The following INTS14 variants were observed in gnomAD, a reference collection of about 807,000 sequenced individuals.
The protein encoded by INTS14 is UPF0464 protein C15orf44.
In INTS14, 27 loss-of-function variants were observed where a neutral mutation model predicts 56.9. The observed-to-expected ratio is 0.47, with a 90% CI of 0.35 to 0.65. INTS14 has a LOEUF of 0.65. INTS14 is among the 30% of genes least tolerant of loss of function. The pLI is 0.00. For synonymous variants in INTS14, 207 were observed against 236.2 expected, an observed-to-expected ratio of 0.88 and a Z score of 1.13; for missense variants, 517 against 632.2, an observed-to-expected ratio of 0.82 and a Z score of 1.95.
Position 65,607,195 on chromosome 15 carries a change from C to G in INTS14, c.186G>C (p.Leu62Phe), listed in dbSNP as rs1566933836. 1 of 1,614,212 alleles carries G rather than the reference C, an allele frequency of 6.2e-7. No homozygotes were observed. The change falls in exon 2 of 12, where the codon TTG becomes TTC. Residue 62 changes from leucine (L) to phenylalanine (F), a missense_variant. Physicochemically the swap from Leu to Phe is conservative, Grantham distance 22 (BLOSUM62 0). Transcript: ENST00000313182. ...ALVVFSSLWE[L>F]MVPFTRDYNT... ...TATAATCTCTCGTGAAGGGGACCAT[C>G]AACTCCCAAAGTGATGAAAAAACCA...
At chr15:65,610,574 C>T in intron 1 of INTS14, 2 of 1,254,142 alleles carry the variant, frequency 1.6e-6, no homozygotes, top group South Asian at 2.6e-5. Flanking sequence ...TGTCCATCAG[C>T]TAGACGTTTG....
At chr15:65,610,609 T>C (rs2073881896) in intron 1 of INTS14, 2 of 1,457,666 alleles carry the variant, frequency 1.4e-6, no homozygotes, top group Admixed American at 2.0e-5. Flanking sequence ...AGGTGATAAT[T>C]AGCTCATTCA....
In INTS14 at chr15:65,607,316, G is replaced by C. The variant is rs894075500; in HGVS notation, c.65C>G (p.Ser22Cys). Residue 22 changes from serine (S) to cysteine (C), a missense_variant, in exon 2 of 12, where the codon TCC (serine) becomes TGC (cysteine). Transcript: ENST00000313182. ...TAGGTGCTTACGCTGGTATTCCTCG[G>C]ACCCCTCAATAGACACAGGTCGGGT... ...SMTRPVSIEG[S>C]EEYQRKHLAA... The C allele has an allele frequency of 2.5e-6, 4 of 1,613,962 alleles. No homozygotes were observed. Among genetic ancestry groups the C allele is most frequent in the Non-Finnish European group, 3.4e-6 (4 of 1,180,034 alleles).
intron 2 of INTS14, 39 bp downstream of exon 2, chr15:65,607,120 T>G (rs774227532): frequency 5.0e-6 from 8 of 1,601,828 alleles, no homozygotes; most frequent in Admixed American, 1.7e-5. Context: ...CCCAATAAAT[T>G]TAGGCCCTGT....
At chr15:65,610,303 G>A (rs1259272042) in intron 1 of INTS14, among the ~76,000 whole-genome samples, 1 of 152,184 alleles carries the variant, frequency 6.6e-6, no homozygotes, top group Non-Finnish European at 1.5e-5. Flanking sequence ...AGGTTGCAGT[G>A]AGCCGAGATC....
intron 3 of INTS14, 107 bp downstream of exon 3, chr15:65,605,022 A>G: frequency 1.2e-6 from 1 of 805,842 alleles, no homozygotes; most frequent in Non-Finnish European, 2.1e-6. Flanking sequence ...TGTAAAATGT[A>G]GTTTGTAGAA....
intron 5 of INTS14, 21 bp downstream of exon 5, chr15:65,598,849 AAG>A: frequency 3.2e-6 from 5 of 1,553,898 alleles, no homozygotes; most frequent in Admixed American, 3.5e-5. Flanking sequence ...AAGAAGGCAA[AAG>A]AGCTCTAAGC....
At chr15:65,601,344 G>C (rs1325968258) in intron 3 of INTS14, among the ~76,000 whole-genome samples, 1 of 152,028 alleles carries the variant, frequency 6.6e-6, no homozygotes, top group Non-Finnish European at 1.5e-5. Flanking sequence ...AGGCCATTAA[G>C]GCAGTATTTT....
At chr15:65,600,070 G>T in intron 3 of INTS14, 141 bp from the exon 4 acceptor site, 2 of 872,998 alleles carry the variant, frequency 2.3e-6, no homozygotes, top group Non-Finnish European at 3.4e-6. Flanking sequence ...TGCTTTGGGA[G>T]GCCAAGGCAG....
At chr15:65,588,612 G>A (rs1202988452) in intron 9 of INTS14, among the ~76,000 whole-genome samples, 1 of 151,444 alleles carries the variant, frequency 6.6e-6, no homozygotes, top group Non-Finnish European at 1.5e-5. Context: ...AGGTTGCAGT[G>A]AACCAAGACT....
chr15:65,579,282 G>A lies in INTS14; in HGVS notation c.*126C>T. ...GTAGAGTCATTCAAAACAGCAAGTG[G>A]TGCTTCTGAGGCAGCCTCAGGAAGG... On this transcript the variant is annotated 3_prime_UTR_variant, in exon 12 of 12. Transcript: ENST00000313182. 1 of 1,338,542 alleles carries A rather than the reference G, an allele frequency of 7.5e-7. No homozygotes were observed. 82.9% of individuals were successfully genotyped at this position (1,338,542 alleles called of 1,614,324 possible). A position where few individuals can be genotyped will look rare whatever the true frequency, so the allele number is the denominator to read the frequency against.
At chr15:65,582,532 A>G (rs1168861303) in intron 10 of INTS14, among the ~76,000 whole-genome samples, 1 of 152,158 alleles carries the variant, frequency 6.6e-6, no homozygotes, top group Non-Finnish European at 1.5e-5. Flanking sequence ...GGATTGCTTG[A>G]GGCCAGAAGT....
chr15:65,591,762 A>G, intron 8 of INTS14, 31 bp from the exon 9 acceptor site: 2 of 1,611,632 alleles, frequency 1.2e-6, no homozygotes, highest in Non-Finnish European at 1.7e-6. Context: ...AGATCAGAAG[A>G]ACATCAAGCC....
Position 65,597,851 on chromosome 15 carries a change from A to G in INTS14, c.748+470T>C, listed in dbSNP as rs905637022. ...TTTCCAACTCTAATAATTCGTGGTTATAATTATCTAGGATTGGAGATCAAC... is the reference window on the plus strand; with the variant it reads ...TTTCCAACTCTAATAATTCGTGGTTGTAATTATCTAGGATTGGAGATCAAC... On this transcript the variant is annotated intron_variant, in intron 6 of 11. Transcript: ENST00000313182. Among the ~76,000 whole-genome samples the G allele has an allele frequency of 3.3e-5, 5 of 152,332 alleles. No individual in the cohort carries two copies. In the East Asian group the frequency reaches 5.8e-4, roughly 18 times the overall value.
chr15:65,593,643 T>C, intron 7 of INTS14, 71 bp from the exon 8 acceptor site: 1 of 1,541,498 alleles, frequency 6.5e-7, no homozygotes, highest in Non-Finnish European at 8.7e-7. Flanking sequence ...TTTATACTCT[T>C]GGATGTTTCT....
At chr15:65,592,671 A>T (rs927657865) in intron 8 of INTS14, among the ~76,000 whole-genome samples, 2 of 152,202 alleles carry the variant, frequency 1.3e-5, no homozygotes, top group African/African-American at 4.8e-5. Context: ...GAGGGATTAA[A>T]TGTGCTAACA....
chr15:65,600,728 T>C (rs1160357481), intron 3 of INTS14, among the ~76,000 whole-genome samples: 8 of 152,012 alleles, frequency 5.3e-5, no homozygotes, highest in Middle Eastern at 3.4e-3. Flanking sequence ...CATTATAGGA[T>C]AAAGAATACT....
In INTS14 at chr15:65,595,720, A is replaced by G. The variant is rs1566925775; in HGVS notation, c.841+13T>C. 1 of 1,589,396 alleles carries G rather than the reference A, an allele frequency of 6.3e-7. No homozygotes were observed. The highest frequency in any genetic ancestry group is 8.6e-7 in the Non-Finnish European group (1 of 1,165,534). ...TAAGACGCTTCAGACGTATCAGTGG[A>G]ATAGGAACTCACCTTTGTTAAGTGC... is the stretch of plus-strand genomic sequence containing the variant. On this transcript the variant is annotated intron_variant, in intron 7 of 11. Coordinates refer to ENST00000313182, the MANE Select transcript of INTS14 (RefSeq NM_001394796.1).
At chr15:65,593,309 C>T in intron 8 of INTS14, 119 bp downstream of exon 8, 1 of 1,258,242 alleles carries the variant, frequency 7.9e-7, no homozygotes, top group Non-Finnish European at 1.1e-6. Flanking sequence ...AAGTGTGTGG[C>T]AGGAAAAGGA....
Sources: gnomAD v4.1 joint callset for allele counts (sites outside exome capture counted in the v4.1 genomes callset) on GRCh38, gnomAD v4.1.1 for gene constraint, MANE v1.5 for transcripts, NCBI Gene and HGNC (gene_info 2026-07-23, HGNC 2026-07-21) for gene names.